The following CHD4 variants were observed in gnomAD, a reference collection of about 807,000 sequenced individuals.
CHD4 encodes the protein ATP-dependent chromatin remodeler CHD4.
Under a neutral mutation model 235.5 loss-of-function variants are expected in CHD4, and 35 were observed. The observed-to-expected ratio is 0.15, with a 90% confidence interval of 0.11 to 0.20. The LOEUF (loss-of-function observed/expected upper bound fraction) is 0.20, where lower values mean the gene tolerates loss of function less well. Among genes scored for constraint, CHD4 ranks in the 10% least tolerant of loss-of-function variants. The probability of loss-of-function intolerance (pLI) is 1.00; values close to 1 mark genes in which losing one functional copy is unlikely to be tolerated. For synonymous variants in CHD4, 900 were observed against 850.2 expected, an observed-to-expected ratio of 1.06 and a Z score of -1.02; for missense variants, 1,329 against 2,432.3, an observed-to-expected ratio of 0.55 and a Z score of 9.54.
At chr12:6,606,829 C>T (rs1948710728) in intron 1 of CHD4, 1 of 146,908 alleles carries the variant, frequency 6.8e-6, no homozygotes, top group Admixed American at 6.8e-5. Context: ...GGGCGCCTCC[C>T]TGCGCCCGGG....
chr12:6,606,947 G>A (rs1948713185), intron 1 of CHD4: 1 of 151,398 alleles, frequency 6.6e-6, no homozygotes, highest in African/African-American at 2.4e-5. Flanking sequence ...CTCGGGCGCT[G>A]CGGGGGGCCG....
chr12:6,571,676 T>A (rs1174601758), intron 38 of CHD4: 2 of 151,388 alleles, frequency 1.3e-5, no homozygotes, highest in African/African-American at 4.9e-5. Flanking sequence ...AAATACAAAA[T>A]TAGCTGGGGC....
chr12:6,575,428 C>G (rs1316820299), intron 37 of CHD4, among the ~76,000 whole-genome samples: 1 of 119,216 alleles, frequency 8.4e-6, no homozygotes, highest in Non-Finnish European at 1.7e-5. Context: ...CCAGCCTGGG[C>G]AACTGAGTAA....
chr12:6,587,865 T>C lies in CHD4; in HGVS notation c.3550A>G (p.Ile1184Val). ...ATTTTCTTCTTTGCCACCTGCGTGA[T>C]GCGCTCCTCCACTGACGCACGGGTC... Reference protein sequence around the residue: ...FVTRASVEERITQVAKKKMML... With the variant: ...FVTRASVEERVTQVAKKKMML... The change falls in exon 24 of 40, where the codon ATC becomes GTC. Residue 1184 changes from isoleucine to valine, a missense_variant. Physicochemically the swap from Ile to Val is conservative, Grantham distance 29. Transcript: ENST00000544040. 6.2e-7 allele frequency: 1 copy of C among 1,614,250 alleles called. No individual in the cohort carries two copies. Among genetic ancestry groups the C allele is most frequent in the Non-Finnish European group, 8.5e-7 (1 of 1,180,042 alleles).
intron 35 of CHD4, 32 bp from the exon 36 acceptor site, chr12:6,578,169 G>A (rs1343916568): frequency 4.5e-6 from 7 of 1,567,212 alleles, no homozygotes; most frequent in Non-Finnish European, 6.1e-6. Context: ...GTTGGGGGTG[G>A]GGGGAAGCAA....
chr12:6,598,510 C>T (rs1948536891), intron 10 of CHD4, 85 bp from the exon 11 acceptor site: 8 of 1,148,742 alleles, frequency 7.0e-6, no homozygotes, highest in Middle Eastern at 2.5e-4. Context: ...CATCAAAGGA[C>T]GATTCAGATC....
intron 22 of CHD4, 88 bp from the exon 23 acceptor site, chr12:6,588,510 G>A (rs1948339362): frequency 2.8e-6 from 4 of 1,451,010 alleles, no homozygotes; most frequent in Non-Finnish European, 1.9e-6. Context: ...GGGGGCAGTG[G>A]CTCATGCCTG....
chr12:6,572,594 C>A (rs1226039650), intron 38 of CHD4, among the ~76,000 whole-genome samples: 1 of 152,078 alleles, frequency 6.6e-6, no homozygotes, highest in Non-Finnish European at 1.5e-5. Context: ...CTATGTTGCC[C>A]AGGCTGATAG....
At chr12:6,605,073 C>T (rs1948667258) in intron 2 of CHD4, among the ~76,000 whole-genome samples, 1 of 152,140 alleles carries the variant, frequency 6.6e-6, no homozygotes, top group Non-Finnish European at 1.5e-5. Context: ...AACACTAACC[C>T]CTCTCCTAAA....
intron 22 of CHD4, among the ~76,000 whole-genome samples, 168 bp from the exon 23 acceptor site, chr12:6,588,590 CAACACGGTG>C (rs991535619): frequency 2.6e-5 from 4 of 152,174 alleles, no homozygotes; most frequent in Non-Finnish European, 5.9e-5. Flanking sequence ...CCAGCCTGGC[CAACACGGTG>C]AAACCCTGTC....
chr12:6,582,181 G>C lies in CHD4; in HGVS notation c.4471C>G (p.His1491Asp). 6.3e-7 allele frequency: 1 copy of C among 1,599,170 alleles called. No homozygotes were observed. The highest frequency in any genetic ancestry group is 8.5e-7 in the Non-Finnish European group (1 of 1,173,844). The change falls in exon 30 of 40, where the codon CAT becomes GAT. Residue 1491 changes from histidine (H) to aspartate (D), a missense_variant. This residue lies in a region of CHD4 where 48 missense variants were observed against 109.6 expected (regional missense o/e 0.44). Transcript: ENST00000544040. ...GVPREGLSRQ[H>D]VLTRIGVMSL... ...ATAACACCAATTCTAGTAAGGACAT[G>C]CTGGCGAGACAGGCCTTCTCGGGGG...
rs141696790 is a variant in CHD4, at chr12:6,587,243, G to C, written c.3879+141C>G. 102 of 809,424 alleles carry C rather than the reference G, an allele frequency of 1.3e-4. 1 individual carries two copies. The African/African-American group carries it at 1.4e-3, about 11-fold the overall frequency. The allele number at this position is 809,424 out of a possible 1,614,324, so 50.1% of individuals were successfully genotyped here. On this transcript the variant is annotated intron_variant, in intron 25 of 39. Transcript: ENST00000544040. ...TCTGATTAGTCATGTTATCAGCTTT[G>C]TTTTCAAAGGAAGAGGATCAATTCA...
intron 7 of CHD4, 21 bp from the exon 8 acceptor site, chr12:6,600,690 A>C (rs1948574117): frequency 1.2e-6 from 2 of 1,613,650 alleles, no homozygotes; most frequent in Non-Finnish European, 1.7e-6. Flanking sequence ...GAAAAAGAAT[A>C]AGGTTAGACG....
chr12:6,582,468 AG>A (rs1948212250), intron 29 of CHD4, 146 bp downstream of exon 29: 1 of 1,335,108 alleles, frequency 7.5e-7, no homozygotes, highest in South Asian at 1.4e-5. Context: ...CAGGGAAGCT[AG>A]GAACACATTA....
rs1734467567 is a variant in CHD4, at chr12:6,570,535, T to C, written c.*141A>G. 3 of 981,460 alleles carry C rather than the reference T, an allele frequency of 3.1e-6. No homozygotes were observed. Among genetic ancestry groups the C allele is most frequent in the Non-Finnish European group, 4.6e-6 (3 of 646,606 alleles). 60.8% of individuals were successfully genotyped at this position (981,460 alleles called of 1,614,324 possible). A position where few individuals can be genotyped will look rare whatever the true frequency, so the allele number is the denominator to read the frequency against. The stretch of plus-strand genomic sequence containing the variant: ...CCCCTCACTCCCTCCCCTCCCCCAG[T>C]GCACTGGGGCTGTTCCTTTACAACA... On this transcript the variant is annotated 3_prime_UTR_variant, in exon 40 of 40. Transcript: ENST00000544040.
intron 12 of CHD4, among the ~76,000 whole-genome samples, chr12:6,597,422 C>T (rs541373848): frequency 1.1e-4 from 16 of 152,118 alleles, no homozygotes; most frequent in Non-Finnish European, 2.1e-4. Context: ...GCAGTGATCA[C>T]GACACTGCAC....
In CHD4 at chr12:6,602,379, C is replaced by A; in HGVS notation, c.219G>T (p.Lys73Asn). ...PKIPKSKRQK[K>N]ERMLLCRQLG... ...TAACATTCAGTCACCCACTCACCTC[C>A]TTTTTTTGGCGCTTGCTCTTAGGGA... The change falls in exon 3 of 40, where the codon AAG becomes AAT. Residue 73 changes from lysine to asparagine, a missense_variant. Transcript: ENST00000544040. 1 of 1,613,478 alleles carries A rather than the reference C, an allele frequency of 6.2e-7. No homozygotes were observed. Among genetic ancestry groups the A allele is most frequent in the African/African-American group, 1.3e-5 (1 of 74,882 alleles).
intron 22 of CHD4, among the ~76,000 whole-genome samples, chr12:6,588,644 G>A (rs1008873474): frequency 1.3e-5 from 2 of 152,084 alleles, no homozygotes; most frequent in Non-Finnish European, 2.9e-5. Flanking sequence ...CAGGCGTGGT[G>A]GTATACACCT....
rs1370798789 is a variant in CHD4 at position 6,601,949 on chromosome 12, G to A, written c.438+11C>T. The A allele has an allele frequency of 1.9e-6, 3 of 1,607,054 alleles. No individual in the cohort carries two copies. In the African/African-American group the frequency reaches 4.0e-5, roughly 21 times the overall value. On this transcript the variant is annotated intron_variant, in intron 4 of 39. Coordinates refer to ENST00000544040, the MANE Select transcript of CHD4 (RefSeq NM_001273.5). ...TTAACAGTACAAAGAAGAGGATGGA[G>A]GTCCAGGCACCTTTGAATCATCATC... is the stretch of plus-strand genomic sequence containing the variant.
Sources: gnomAD v4.1 joint callset for allele counts (sites outside exome capture counted in the v4.1 genomes callset) on GRCh38, gnomAD v4.1.1 for gene constraint, gnomAD v4.1.1 regional missense constraint, MANE v1.5 for transcripts, NCBI Gene and HGNC (gene_info 2026-07-23, HGNC 2026-07-21) for gene names.